The following LRRTM4 variants were observed in gnomAD, a reference collection of about 807,000 sequenced individuals.
LRRTM4 encodes the protein leucine-rich repeat transmembrane neuronal protein 4.
In LRRTM4, 25 loss-of-function variants were observed where a neutral mutation model predicts 47.6. The observed-to-expected ratio is 0.53, with a 90% CI of 0.38 to 0.73. The LOEUF is 0.73. Among genes scored for constraint, LRRTM4 ranks in the 30% least tolerant of loss-of-function variants. The pLI, the probability that LRRTM4 is intolerant of heterozygous loss-of-function variation, is 0.00. For synonymous variants in LRRTM4, 311 were observed against 269.5 expected, an observed-to-expected ratio of 1.15 and a Z score of -1.51; for missense variants, 638 against 713.4, an observed-to-expected ratio of 0.89 and a Z score of 1.20.
At chr2:76,763,936 T>C (rs923343347) in intron 3 of LRRTM4, among the ~76,000 whole-genome samples, 2 of 152,056 alleles carry the variant, frequency 1.3e-5, no homozygotes, top group Non-Finnish European at 2.9e-5. Flanking sequence ...AACAGAATGG[T>C]GGTAGAGGTA....
chr2:76,814,223 A>T (rs923280003), intron 3 of LRRTM4, among the ~76,000 whole-genome samples: 2 of 152,152 alleles, frequency 1.3e-5, no homozygotes, highest in Non-Finnish European at 2.9e-5. Context: ...GAAAAATAGA[A>T]AAAAGCTTAT....
At chr2:76,971,237 T>C (rs375762043) in intron 3 of LRRTM4, among the ~76,000 whole-genome samples, 5 of 152,102 alleles carry the variant, frequency 3.3e-5, no homozygotes, top group East Asian at 3.9e-4. Context: ...CCGTCTGTAG[T>C]TTGTTAAAAA....
rs1344532474 is a variant in LRRTM4 at position 77,518,594 on chromosome 2, A to T, written c.1275T>A (p.Ile425=). 6.2e-7 allele frequency: 1 copy of T among 1,613,318 alleles called. No individual in the cohort carries two copies. Among genetic ancestry groups the T allele is most frequent in the South Asian group, 1.1e-5 (1 of 91,068 alleles). Residue 425 remains isoleucine (I), a synonymous_variant, in exon 3 of 4, where the codon ATT becomes ATA. Transcript: ENST00000409884. ...GAAAGAGAGCCACACTCCCGGCAAT[A>T]ATTTTGTGAAATGAAACATGCTCAT... ...QEYEHVSFHK[I]IAGSVALFLS... is the part of the protein sequence containing the mutation.
intron 3 of LRRTM4, among the ~76,000 whole-genome samples, chr2:76,780,515 T>G (rs977338265): frequency 1.3e-5 from 2 of 152,144 alleles, no homozygotes; most frequent in African/African-American, 4.8e-5. Context: ...CATTTCATCT[T>G]CCATTGCTGA....
intron 3 of LRRTM4, among the ~76,000 whole-genome samples, chr2:77,095,401 G>A (rs762033047): frequency 2.6e-5 from 4 of 151,776 alleles, no homozygotes; most frequent in African/African-American, 4.8e-5. Context: ...CCCACTTTTA[G>A]TATATATCCA....
chr2:77,056,884 T>C (rs1205674811), intron 3 of LRRTM4, among the ~76,000 whole-genome samples: 1 of 152,230 alleles, frequency 6.6e-6, no homozygotes, highest in East Asian at 1.9e-4. Context: ...TGGAAGATAA[T>C]GCTTATAGCC....
intron 3 of LRRTM4, among the ~76,000 whole-genome samples, chr2:76,980,157 A>G (rs1448407810): frequency 6.6e-6 from 1 of 152,104 alleles, no homozygotes; most frequent in African/African-American, 2.4e-5. Context: ...GGAGGATTAT[A>G]TAAAGCCAGT....
intron 3 of LRRTM4, among the ~76,000 whole-genome samples, chr2:76,995,881 G>C (rs1424884229): frequency 1.3e-5 from 2 of 152,002 alleles, no homozygotes; most frequent in Non-Finnish European, 2.9e-5. Flanking sequence ...AGATGAATTG[G>C]CATATCAAGG....
chr2:77,521,556 G>T, intron 2 of LRRTM4, 112 bp downstream of exon 2: 2 of 1,235,682 alleles, frequency 1.6e-6, no homozygotes, highest in South Asian at 1.3e-5. Flanking sequence ...CAAACTCAAA[G>T]GCTGCTGCTC....
chr2:77,053,062 T>C (rs1679492265), intron 3 of LRRTM4, among the ~76,000 whole-genome samples: 6 of 151,926 alleles, frequency 3.9e-5, no homozygotes, highest in Admixed American at 2.0e-4. Context: ...CTGTGTGAAA[T>C]TTGAGAGCGA....
intron 3 of LRRTM4, among the ~76,000 whole-genome samples, chr2:76,881,841 C>G (rs370343787): frequency 1.3e-5 from 2 of 152,048 alleles, no homozygotes; most frequent in Non-Finnish European, 2.9e-5. Context: ...TATACTCCAT[C>G]CTATTCTAAC....
intron 3 of LRRTM4, among the ~76,000 whole-genome samples, chr2:77,438,367 C>G (rs539989131): frequency 6.8e-6 from 1 of 147,062 alleles, no homozygotes; most frequent in Non-Finnish European, 1.5e-5. Flanking sequence ...AATCTAAAAG[C>G]TACATTTTCG....
chr2:76,786,325 T>C (rs1399211150), intron 3 of LRRTM4, among the ~76,000 whole-genome samples: 1 of 151,982 alleles, frequency 6.6e-6, no homozygotes, highest in Non-Finnish European at 1.5e-5. Context: ...TTATAACAGA[T>C]AGAACAAAGC....
At chr2:77,094,629 G>C (rs1670757152) in intron 3 of LRRTM4, among the ~76,000 whole-genome samples, 2 of 152,122 alleles carry the variant, frequency 1.3e-5, no homozygotes. Context: ...ACAAACCCAA[G>C]TATTTGTGGT....
At position 77,136,343 on chromosome 2, in the gene LRRTM4, C is replaced by T. The variant is rs140372735; in HGVS notation, c.1551+381975G>A. Among the ~76,000 whole-genome samples the T allele has an allele frequency of 5.8e-4, 89 of 152,246 alleles. No homozygotes were observed. The East Asian group carries it at 0.013, about 21-fold the overall frequency. On this transcript the variant is annotated intron_variant, in intron 3 of 3. Transcript: ENST00000409884. ...ACAATATTTGCTGTTCTGCAGCCTC[C>T]GCTGCTGATACCCAGGCAAACAGGG...
At chr2:76,957,154 C>T (rs1271657670) in intron 3 of LRRTM4, among the ~76,000 whole-genome samples, 5 of 151,384 alleles carry the variant, frequency 3.3e-5, no homozygotes, top group Non-Finnish European at 1.5e-5. Context: ...CAAAATATAC[C>T]AGTGATAGAA....
At chr2:77,248,059 G>A (rs906876308) in intron 3 of LRRTM4, among the ~76,000 whole-genome samples, 4 of 150,550 alleles carry the variant, frequency 2.7e-5, no homozygotes, top group Non-Finnish European at 4.4e-5. Flanking sequence ...GATATAACCT[G>A]TAAAAATTAC....
intron 3 of LRRTM4, among the ~76,000 whole-genome samples, chr2:77,263,804 A>T (rs918180204): frequency 6.6e-6 from 1 of 152,056 alleles, no homozygotes; most frequent in Non-Finnish European, 1.5e-5. Flanking sequence ...ACTATATCCT[A>T]TAGAAGAAAG....
intron 3 of LRRTM4, among the ~76,000 whole-genome samples, chr2:77,252,188 G>A (rs1410332357): frequency 6.6e-6 from 1 of 152,040 alleles, no homozygotes; most frequent in Non-Finnish European, 1.5e-5. Context: ...CCTGAGATAG[G>A]GAAGTTGCTG....
Sources: allele counts gnomAD v4.1 joint callset (sites outside exome capture counted in the v4.1 genomes callset), GRCh38; gene constraint gnomAD v4.1.1; transcripts MANE v1.5; gene names NCBI Gene and HGNC (gene_info 2026-07-23, HGNC 2026-07-21).